CPA5: variants seen among roughly 807,000 people sequenced by gnomAD.
The protein encoded by CPA5 is carboxypeptidase A5.
A neutral mutation model predicts 52.2 loss-of-function variants in CPA5; 38 were observed. The ratio of observed to expected loss-of-function variants is 0.73; its 90% CI spans 0.56 to 0.95. The LOEUF is 0.95. CPA5 is among the 40% of genes least tolerant of loss of function. CPA5 has a pLI of 0.00. For synonymous variants in CPA5, 198 were observed against 213.7 expected, an observed-to-expected ratio of 0.93 and a Z score of 0.64; for missense variants, 519 against 566.7, an observed-to-expected ratio of 0.92 and a Z score of 0.86.
intron 5 of CPA5, among the ~76,000 whole-genome samples, chr7:130,355,495 C>A (rs1480749936): frequency 6.6e-6 from 1 of 152,166 alleles, no homozygotes; most frequent in African/African-American, 2.4e-5. Flanking sequence ...CAACCTCCGC[C>A]TCCTGGGTTC....
At chr7:130,366,436 G>A (rs567626998) in intron 10 of CPA5, among the ~76,000 whole-genome samples, 2 of 152,292 alleles carry the variant, frequency 1.3e-5, no homozygotes, top group Admixed American at 1.3e-4. Context: ...TCAGGAATAA[G>A]GGAAAAGCAG....
At chr7:130,351,784 T>A (rs1436659616) in intron 5 of CPA5, among the ~76,000 whole-genome samples, 3 of 152,270 alleles carry the variant, frequency 2.0e-5, no homozygotes, top group African/African-American at 4.8e-5. Flanking sequence ...CAGATACAGA[T>A]GCACGGGCCC....
the CPA5 span, among the ~76,000 whole-genome samples, chr7:130,373,776 C>T: frequency 8.1e-4 from 123 of 152,368 alleles, no homozygotes; most frequent in African/African-American, 2.6e-3. Context: ...TGGGGCCTGT[C>T]GGAACTTCCC....
intron 7 of CPA5, among the ~76,000 whole-genome samples, chr7:130,362,231 T>C (rs1177417339): frequency 2.6e-5 from 4 of 152,122 alleles, no homozygotes; most frequent in African/African-American, 9.7e-5. Flanking sequence ...ATCACTTTGC[T>C]CGCCAATGGC....
chr7:130,355,288 A>G lies in CPA5; in HGVS notation c.334-4301A>G, dbSNP rs73152853. On this transcript the variant is annotated intron_variant, in intron 5 of 12. Coordinates refer to ENST00000474905, the MANE Select transcript of CPA5 (RefSeq NM_080385.5). ...TATTATCACCCTCCTTATCATTGTC[A>G]CACTCCTCCTCATCATCATAGCTAA... 8.4e-3 allele frequency among the ~76,000 whole-genome samples: 1,279 copies of G among 152,176 alleles called. 10 individuals carry two copies. Among genetic ancestry groups the G allele is most frequent in the Non-Finnish European group, 0.013 (864 of 68,008 alleles).
At chr7:130,345,650 A>T (rs1554401952) in intron 1 of CPA5, 189 bp from the exon 2 acceptor site, 3 of 152,184 alleles carry the variant, frequency 2.0e-5, no homozygotes, top group Admixed American at 1.3e-4. Context: ...CACAATGATG[A>T]CCACCTGAAG....
At chr7:130,357,952 C>CTG (rs60840017) in intron 5 of CPA5, among the ~76,000 whole-genome samples, 29,510 of 139,616 alleles carry the variant, frequency 0.21, 3,121 homozygotes, top group Middle Eastern at 0.29. Context: ...TTTTGTGCCT[C>CTG]TGTGTGTGTG....
intron 9 of CPA5, 122 bp from the exon 10 acceptor site, chr7:130,363,297 T>C: frequency 1.3e-6 from 1 of 747,792 alleles, no homozygotes; most frequent in South Asian, 1.8e-5. Context: ...TCCTGGCAAT[T>C]CCTTCCCTTT....
At chr7:130,353,628 C>G (rs1554404558) in intron 5 of CPA5, among the ~76,000 whole-genome samples, 2 of 152,184 alleles carry the variant, frequency 1.3e-5, no homozygotes, top group Non-Finnish European at 2.9e-5. Context: ...ACCCCTTCCT[C>G]AAACTCCCCA....
Position 130,368,489 on chromosome 7 carries a change from T to C in CPA5, c.1203T>C (p.Thr401=), listed in dbSNP as rs200122516. ...CCTTCAGCTTTGAGCTCCGGGACACTGGGCAGTATGGCTTCCTGCTGCCGG... is the reference window on the plus strand; with the variant it reads ...CCTTCAGCTTTGAGCTCCGGGACACCGGGCAGTATGGCTTCCTGCTGCCGG... ...KYAFSFELRD[T]GQYGFLLPAT... The change falls in exon 13 of 13, where the codon ACT becomes ACC. Residue 401 remains threonine (T), a synonymous_variant. Coordinates refer to ENST00000474905, the MANE Select transcript of CPA5 (RefSeq NM_080385.5). 76 of 1,614,024 alleles carry C rather than the reference T, an allele frequency of 4.7e-5. 1 individual carries two copies. The highest frequency in any genetic ancestry group is 2.3e-5 in the Non-Finnish European group (27 of 1,180,018).
At position 130,349,970 on chromosome 7, in the gene CPA5, A is replaced by G. The variant is rs1554403438; in HGVS notation, c.199-5A>G. The G allele has an allele frequency of 6.2e-7, 1 of 1,611,676 alleles. No homozygotes were observed. Among genetic ancestry groups the G allele is most frequent in the East Asian group, 2.2e-5 (1 of 44,846 alleles). On this transcript the variant is annotated splice_region_variant and splice_polypyrimidine_tract_variant and intron_variant, in intron 4 of 12. Coordinates refer to ENST00000474905, the MANE Select transcript of CPA5 (RefSeq NM_080385.5). ...GCAGCTCTCTCTCTTTCCTTGGTGA[A>G]CAAGGTGGACTTCTGGCGTGGCCCA...
chr7:130,366,769 C>A (rs913394890), intron 10 of CPA5, among the ~76,000 whole-genome samples: 1 of 152,178 alleles, frequency 6.6e-6, no homozygotes, highest in Non-Finnish European at 1.5e-5. Context: ...CACCCAGGAA[C>A]GGTCAGCCTA....
At chr7:130,359,777 AGGGTTTATG>A (rs1795693786) in intron 6 of CPA5, 90 bp downstream of exon 6, 1 of 846,764 alleles carries the variant, frequency 1.2e-6, no homozygotes, top group Admixed American at 2.2e-5. Context: ...GAAGGACTCC[AGGGTTTATG>A]GGAAACTGTG....
chr7:130,357,639 G>T (rs1435363430), intron 5 of CPA5, among the ~76,000 whole-genome samples: 1 of 149,286 alleles, frequency 6.7e-6, no homozygotes, highest in African/African-American at 2.5e-5. Context: ...AAAAAAAAAA[G>T]TTCTTATTGA....
At chr7:130,356,144 A>G (rs55711966) in intron 5 of CPA5, among the ~76,000 whole-genome samples, 1,774 of 152,200 alleles carry the variant, frequency 0.012, 12 homozygotes, top group Middle Eastern at 0.024. Flanking sequence ...CTCTGTTTCC[A>G]TGAGCTGCGT....
chr7:130,352,197 C>T (rs1373008499), intron 5 of CPA5, among the ~76,000 whole-genome samples: 2 of 151,982 alleles, frequency 1.3e-5, no homozygotes, highest in Non-Finnish European at 2.9e-5. Flanking sequence ...CTCCCTCTGC[C>T]CTGTGATCAG....
At chr7:130,350,292 G>C (rs1795050217) in intron 5 of CPA5, among the ~76,000 whole-genome samples, 183 bp downstream of exon 5, 1 of 152,210 alleles carries the variant, frequency 6.6e-6, no homozygotes, top group African/African-American at 2.4e-5. Context: ...AGCTAGGACA[G>C]GATTCATGGG....
chr7:130,371,749 G>A (rs187281791), downstream of CPA5, among the ~76,000 whole-genome samples: 12 of 152,226 alleles, frequency 7.9e-5, no homozygotes, highest in East Asian at 2.3e-3. Context: ...TAGAGACAGG[G>A]TTTCTCCATG....
At chr7:130,360,727 A>G (rs1380272086) in intron 6 of CPA5, among the ~76,000 whole-genome samples, 1 of 152,248 alleles carries the variant, frequency 6.6e-6, no homozygotes, top group African/African-American at 2.4e-5. Context: ...CAAGGGGCTT[A>G]CAGTCTAAAA....
Sources: allele counts gnomAD v4.1 joint callset (sites outside exome capture counted in the v4.1 genomes callset), GRCh38; gene constraint gnomAD v4.1.1; transcripts MANE v1.5; gene names NCBI Gene and HGNC (gene_info 2026-07-23, HGNC 2026-07-21).